Variants in CSGALNACT1 observed in about 807,000 individuals in gnomAD.
CSGALNACT1 encodes beta4GalNAcT-1.
In CSGALNACT1, 52 loss-of-function variants were observed where a neutral mutation model predicts 51.0. The observed-to-expected ratio is 1.02, with a 90% CI of 0.82 to 1.29. The LOEUF is 1.29. CSGALNACT1 is among the 50% of genes most tolerant of loss of function. The pLI is 0.00. For synonymous variants in CSGALNACT1, 341 were observed against 254.4 expected (o/e 1.34, Z -3.24); for missense variants, 935 against 679.2 (o/e 1.38, Z -4.19).
At chr8:19,738,765 A>G (rs1177503033) in intron 1 of CSGALNACT1, among the ~76,000 whole-genome samples, 4 of 152,222 alleles carry the variant, frequency 2.6e-5, no homozygotes, top group African/African-American at 9.6e-5. Flanking sequence ...CTGTGCAGCG[A>G]TAGGAGCAAA....
intron 1 of CSGALNACT1, among the ~76,000 whole-genome samples, chr8:19,649,852 G>T (rs112160480): frequency 2.8e-4 from 9 of 31,664 alleles, no homozygotes; most frequent in Non-Finnish European, 5.7e-4. Context: ...AAAACCACGG[G>T]GGGAGGCATT....
At chr8:19,595,554 C>T (rs993982553) in intron 2 of CSGALNACT1, among the ~76,000 whole-genome samples, 6 of 151,952 alleles carry the variant, frequency 3.9e-5, no homozygotes, top group African/African-American at 1.2e-4. Context: ...TAGATATGTG[C>T]CCAGTGGAAG....
In CSGALNACT1 at chr8:19,618,130, C is replaced by CAAAA. The variant is rs1200449844; in HGVS notation, c.-543-16266_-543-16265insTTTT. 3.5e-4 allele frequency among the ~76,000 whole-genome samples: 53 copies of CAAAA among 152,112 alleles called. 1 individual carries two copies. Among genetic ancestry groups the CAAAA allele is most frequent in the African/African-American group, 1.3e-3 (52 of 41,486 alleles). ...CTGGCCTCAAGTGGTCCTTCTGCCTCACCCCCCCGACAAAGCACTGTGATT... is the reference window on the plus strand; with the variant it reads ...CTGGCCTCAAGTGGTCCTTCTGCCTCAAAAACCCCCCCGACAAAGCACTGTGATT... On this transcript the variant is annotated intron_variant, in intron 1 of 9. Transcript: ENST00000332246.
intron 4 of CSGALNACT1, among the ~76,000 whole-genome samples, chr8:19,481,070 C>A (rs1027155441): frequency 6.6e-6 from 1 of 152,172 alleles, no homozygotes; most frequent in Non-Finnish European, 1.5e-5. Context: ...CAGTGTAAGT[C>A]TTTTTCCAAG....
chr8:19,528,302 T>G (rs1269928006), intron 3 of CSGALNACT1, among the ~76,000 whole-genome samples: 1 of 150,772 alleles, frequency 6.6e-6, no homozygotes, highest in Non-Finnish European at 1.5e-5. Flanking sequence ...CAAGCAGCCC[T>G]TGATATTCAG....
intron 3 of CSGALNACT1, among the ~76,000 whole-genome samples, chr8:19,558,481 C>G (rs778795129): frequency 4.1e-4 from 63 of 152,094 alleles, no homozygotes; most frequent in Non-Finnish European, 7.8e-4. Flanking sequence ...CAGGAGATTT[C>G]TGAACATTCT....
At chr8:19,699,722 A>C (rs1207550310) in intron 1 of CSGALNACT1, among the ~76,000 whole-genome samples, 1 of 152,238 alleles carries the variant, frequency 6.6e-6, no homozygotes, top group Non-Finnish European at 1.5e-5. Context: ...TGATGGTTAC[A>C]AAAGAATGTG....
chr8:19,443,459 G>C (rs542505333), intron 5 of CSGALNACT1, among the ~76,000 whole-genome samples: 2 of 152,250 alleles, frequency 1.3e-5, no homozygotes, highest in South Asian at 4.1e-4. Context: ...ATAAAGGAAA[G>C]AGGTTTAATG....
intron 4 of CSGALNACT1, among the ~76,000 whole-genome samples, chr8:19,461,013 A>T (rs1478237012): frequency 6.6e-6 from 1 of 152,200 alleles, no homozygotes; most frequent in African/African-American, 2.4e-5. Flanking sequence ...CAGTGAACAC[A>T]GCTATTTAAA....
intron 1 of CSGALNACT1, among the ~76,000 whole-genome samples, chr8:19,665,859 G>A (rs2059138287): frequency 6.6e-6 from 1 of 152,170 alleles, no homozygotes; most frequent in Non-Finnish European, 1.5e-5. Flanking sequence ...TTCATTTACA[G>A]TTAACATTTC....
chr8:19,709,019 T>C (rs2062347095), intron 1 of CSGALNACT1, among the ~76,000 whole-genome samples: 1 of 152,244 alleles, frequency 6.6e-6, no homozygotes, highest in African/African-American at 2.4e-5. Context: ...TACATGAATG[T>C]ACCTTAAAGC....
chr8:19,741,417 G>T lies in CSGALNACT1; in HGVS notation c.-297+16433C>A, dbSNP rs141647903. Among the ~76,000 whole-genome samples the T allele has an allele frequency of 8.0e-3, 1,218 of 152,160 alleles. 19 individuals carry two copies. Among genetic ancestry groups the T allele is most frequent in the African/African-American group, 0.028 (1,143 of 41,524 alleles). On this transcript the variant is annotated intron_variant, in intron 1 of 1. Transcript: ENST00000517494. ...GTCTCTACTAAAAATACAAAAATTA[G>T]CCGGGCGTGGTGGCACACACCTGTA...
intron 1 of CSGALNACT1, among the ~76,000 whole-genome samples, chr8:19,617,485 T>A (rs2053195091): frequency 1.3e-5 from 2 of 152,234 alleles, no homozygotes; most frequent in Non-Finnish European, 2.9e-5. Context: ...CATCTTTTCT[T>A]TATTCTATGC....
chr8:19,405,111 A>C, exon 10 of CSGALNACT1: 1 of 453,632 alleles, frequency 2.2e-6, no homozygotes, highest in Non-Finnish European at 4.4e-6. Context: ...CAAAGTGGTA[A>C]TTAAATAAGC....
At chr8:19,535,652 T>C (rs2083589294) in intron 3 of CSGALNACT1, among the ~76,000 whole-genome samples, 2 of 152,198 alleles carry the variant, frequency 1.3e-5, no homozygotes. Context: ...ATGATTCTGA[T>C]TGTAAGATGA....
At chr8:19,677,851 A>G (rs1317606673) in intron 1 of CSGALNACT1, among the ~76,000 whole-genome samples, 2 of 152,176 alleles carry the variant, frequency 1.3e-5, no homozygotes, top group African/African-American at 4.8e-5. Flanking sequence ...GGAATGTTAA[A>G]GGTCACAGAT....
chr8:19,474,960 T>G (rs1401148243), intron 4 of CSGALNACT1, among the ~76,000 whole-genome samples: 1 of 151,422 alleles, frequency 6.6e-6, no homozygotes, highest in Non-Finnish European at 1.5e-5. Context: ...AACATAGACC[T>G]TGCTATGGAA....
chr8:19,684,793 A>T (rs2060880656), upstream of CSGALNACT1, among the ~76,000 whole-genome samples: 1 of 152,210 alleles, frequency 6.6e-6, no homozygotes, highest in African/African-American at 2.4e-5. Flanking sequence ...CTCAGAAGAA[A>T]AAAAGAACGT....
intron 6 of CSGALNACT1, among the ~76,000 whole-genome samples, chr8:19,434,659 A>C (rs1020540042): frequency 2.0e-5 from 3 of 152,340 alleles, no homozygotes; most frequent in Middle Eastern, 6.8e-3. Flanking sequence ...CGCTTAGCAA[A>C]GCCTCTGGCA....
Sources: gnomAD v4.1 joint callset for allele counts (sites outside exome capture counted in the v4.1 genomes callset) on GRCh38, gnomAD v4.1.1 for gene constraint, MANE v1.5 for transcripts, NCBI Gene and HGNC (gene_info 2026-07-23, HGNC 2026-07-21) for gene names.